LIG4: variants seen among roughly 807,000 people sequenced by gnomAD.
LIG4 encodes DNA ligase 4, also known as DNA joinase.
In LIG4, 13 loss-of-function variants were observed where a neutral mutation model predicts 19.0. The ratio of observed to expected loss-of-function variants is 0.68; its 90% confidence interval spans 0.44 to 1.09. The LOEUF (loss-of-function observed/expected upper bound fraction) is 1.09, where lower values mean the gene tolerates loss of function less well. Ranked by LOEUF, LIG4 falls within the 50% of genes least tolerant of loss-of-function variation. The pLI is 0.00. For synonymous variants in LIG4, 361 were observed against 358.2 expected, an observed-to-expected ratio of 1.01 and a Z score of -0.09; for missense variants, 1,026 against 1,089.7, an observed-to-expected ratio of 0.94 and a Z score of 0.82.
chr13:108,209,099 C>T lies in LIG4; in HGVS notation c.2170G>A (p.Ala724Thr). The T allele has an allele frequency of 6.2e-7, 1 of 1,614,178 alleles. No homozygotes were observed. Among genetic ancestry groups the T allele is most frequent in the African/African-American group, 1.3e-5 (1 of 75,050 alleles). Reference sequence around the variant, plus strand: ...GTCTTAAAACATTCTAAAAGCCATGCAGGCTTGACAACATCATGTTTATTT... The same window carrying T: ...GTCTTAAAACATTCTAAAAGCCATGTAGGCTTGACAACATCATGTTTATTT... ...LSNKHDVVKP[A>T]WLLECFKTKS... is the part of the protein sequence containing the mutation. The change falls in exon 3 of 3, where the codon GCA becomes ACA. Residue 724 changes from alanine (A) to threonine (T), a missense_variant. By Grantham distance (58) the Ala-to-Thr change is moderately conservative (BLOSUM62 0). This residue lies in a region of LIG4 where 521 missense variants were observed against 515.5 expected (regional missense o/e 1.01). Coordinates refer to ENST00000442234, the MANE Select transcript of LIG4 (RefSeq NM_206937.2).
rs1382576160 is a variant in LIG4, at chr13:108,208,467, TTA to T, written c.*64_*65del. The T allele has an allele frequency of 9.2e-6, 9 of 975,674 alleles. No individual in the cohort carries two copies. Among genetic ancestry groups the T allele is most frequent in the Non-Finnish European group, 1.4e-5 (9 of 628,608 alleles). The allele number at this position is 975,674 out of a possible 1,614,324, so 60.4% of individuals were successfully genotyped here. On this transcript the variant is annotated 3_prime_UTR_variant, in exon 3 of 3. Transcript: ENST00000442234. ...CAAAAATAAAATGTAGTTTAGTATT[TTA>T]TCATTACCACCTGCTGCAATGAGTC...
At chr13:108,215,729 G>A (rs538693186), upstream of LIG4, among the ~76,000 whole-genome samples, 19 of 151,564 alleles carry the variant, frequency 1.3e-4, no homozygotes, top group Non-Finnish European at 2.4e-4. Flanking sequence ...TATTGGCCTC[G>A]GCAGCAGATG....
At position 108,208,804 on chromosome 13, in the gene LIG4, G is replaced by A. The variant is rs141441003; in HGVS notation, c.2465C>T (p.Ser822Leu). 187 of 1,614,060 alleles carry A rather than the reference G, an allele frequency of 1.2e-4. No individual in the cohort carries two copies. In the Middle Eastern group the frequency reaches 3.1e-3, roughly 27 times the overall value. ...MFRRHTVYLD[S>L]YAVINDLSTK... ...ACTCAGGTCATTAATAACAGCATAC[G>A]AGTCCAAATAAACGGTGTGGCGTCG... Residue 822 changes from serine to leucine, a missense_variant, in exon 3 of 3, where the codon TCG becomes TTG. Physicochemically the swap from Ser to Leu is moderately radical, Grantham distance 145. This residue lies in a region of LIG4 where 521 missense variants were observed against 515.5 expected (regional missense o/e 1.01). Transcript: ENST00000442234.
In LIG4 at chr13:108,210,123, C is replaced by T. The variant is rs1878467886; in HGVS notation, c.1146G>A (p.Leu382=). Residue 382 remains leucine, a synonymous_variant, in exon 3 of 3, where the codon CTG becomes CTA. Transcript: ENST00000442234. ...TACTAAGAATCTCATACCTCTTTCT[C>T]AGAGTCTCATGCCCTAGCTTTTTAT... ...VNNKKLGHET[L]RKRYEILSSI... The T allele has an allele frequency of 6.2e-6, 10 of 1,613,738 alleles. No individual in the cohort carries two copies. The East Asian group carries it at 2.2e-4, about 36-fold the overall frequency.
chr13:108,211,238 C>A lies in LIG4; in HGVS notation c.31G>T (p.Ala11Ser). Residue 11 changes from alanine (A) to serine (S), a missense_variant, in exon 3 of 3, where the codon GCA becomes TCA. Coordinates refer to ENST00000442234, the MANE Select transcript of LIG4 (RefSeq NM_206937.2). Reference protein sequence around the residue: MAASQTSQTVASHVPFADLCS... With the variant: MAASQTSQTVSSHVPFADLCS... ...AAATCTGCAAAAGGAACGTGAGATG[C>A]AACAGTTTGTGAAGTTTGTGAGGCA... 6.2e-7 allele frequency: 1 copy of A among 1,612,782 alleles called. No individual in the cohort carries two copies. Among genetic ancestry groups the A allele is most frequent in the Non-Finnish European group, 8.5e-7 (1 of 1,179,888 alleles).
In LIG4 at chr13:108,210,023, C is replaced by G. The variant is rs148273759; in HGVS notation, c.1246G>C (p.Asp416His). Residue 416 changes from aspartate (D) to histidine (H), a missense_variant, in exon 3 of 3, where the codon GAT becomes CAT. By Grantham distance (81) the Asp-to-His change is moderately conservative (BLOSUM62 -1). This residue lies in a region of LIG4 where 493 missense variants were observed against 544.5 expected (regional missense o/e 0.91). Transcript: ENST00000442234. ...TQAHTKNEVIDALNEAIDKRE... is the reference protein window; with the variant it reads ...TQAHTKNEVIHALNEAIDKRE... Reference sequence around the variant, plus strand: ...TTATCTATTGCTTCATTCAATGCATCAATTACTTCATTCTTAGTATGAGCT... The same window carrying G: ...TTATCTATTGCTTCATTCAATGCATGAATTACTTCATTCTTAGTATGAGCT... 2 of 1,612,144 alleles carry G rather than the reference C, an allele frequency of 1.2e-6. No individual in the cohort carries two copies. The highest frequency in any genetic ancestry group is 1.6e-4 in the Middle Eastern group (1 of 6,062).
At position 108,210,965 on chromosome 13, in the gene LIG4, C is replaced by A; in HGVS notation, c.304G>T (p.Asp102Tyr). 1 of 1,613,098 alleles carries A rather than the reference C, an allele frequency of 6.2e-7. No homozygotes were observed. The highest frequency in any genetic ancestry group is 2.2e-5 in the East Asian group (1 of 44,866). The change falls in exon 3 of 3, where the codon GAT (aspartate) becomes TAT (tyrosine). Residue 102 changes from aspartate (D) to tyrosine (Y), a missense_variant. Coordinates refer to ENST00000442234, the MANE Select transcript of LIG4 (RefSeq NM_206937.2). The part of the protein sequence containing the change: ...LYIELLNLPR[D>Y]GKDALKLLNY... ...AAAAGTTTGAGGGCATCTTTTCCATCTCTAGGTAAATTAAGCAACTCAATA... is the reference window on the plus strand; with the variant it reads ...AAAAGTTTGAGGGCATCTTTTCCATATCTAGGTAAATTAAGCAACTCAATA...
chr13:108,208,429 G>T lies in LIG4; in HGVS notation c.*104C>A. 3 of 752,178 alleles carry T rather than the reference G, an allele frequency of 4.0e-6. No homozygotes were observed. Among genetic ancestry groups the T allele is most frequent in the Non-Finnish European group, 6.6e-6 (3 of 452,244 alleles). 46.6% of individuals were successfully genotyped at this position (752,178 alleles called of 1,614,324 possible). A position where few individuals can be genotyped will look rare whatever the true frequency, so the allele number is the denominator to read the frequency against. The stretch of plus-strand genomic sequence containing the variant: ...TATGTAATGATACTTTTTAGGCATA[G>T]ATTTTTAAGATACAAAAATAAAATG... On this transcript the variant is annotated 3_prime_UTR_variant, in exon 3 of 3. Transcript: ENST00000442234.
chr13:108,211,351 T>C (rs113804578), intron 2 of LIG4, 55 bp from the exon 3 acceptor site: 21 of 994,078 alleles, frequency 2.1e-5, no homozygotes, highest in African/African-American at 8.0e-5. Context: ...CAACTAAATA[T>C]TTAATGTAAA....
intron 1 of LIG4, chr13:108,214,914 C>T (rs1186240040): frequency 3.6e-5 from 4 of 111,618 alleles, no homozygotes; most frequent in Admixed American, 2.6e-4. Context: ...GTCCCAGACA[C>T]CCCCACGACC....
Position 108,208,290 on chromosome 13 carries a change from TTATTTCAC to T in LIG4, c.*235_*242del. On this transcript the variant is annotated 3_prime_UTR_variant, in exon 3 of 3. Transcript: ENST00000442234. ...TAAAAACACCTCTTCTTTAGACTGT[TTATTTCAC>T]CTTGATCATAAAAAATCATTGAATA... 7.3e-6 allele frequency: 3 copies of T among 411,298 alleles called. No homozygotes were observed. The highest frequency in any genetic ancestry group is 1.3e-5 in the Non-Finnish European group (3 of 228,182). 25.5% of individuals were successfully genotyped at this position (411,298 alleles called of 1,614,324 possible). A position where few individuals can be genotyped will look rare whatever the true frequency, so the allele number is the denominator to read the frequency against.
Position 108,210,241 on chromosome 13 carries a change from A to T in LIG4, c.1028T>A (p.Met343Lys). Residue 343 changes from methionine to lysine, a missense_variant, in exon 3 of 3, where the codon ATG becomes AAG. This residue lies in a region of LIG4 where 493 missense variants were observed against 544.5 expected (regional missense o/e 0.91). Transcript: ENST00000442234. Reference protein sequence around the residue: ...MAYNPNTQTFMQKGTKFDIKR... With the variant: ...MAYNPNTQTFKQKGTKFDIKR... ...AATATCAAACTTAGTTCCCTTTTGC[A>T]TGAAAGTTTGTGTATTAGGATTATA... The T allele has an allele frequency of 6.2e-7, 1 of 1,613,808 alleles. No individual in the cohort carries two copies. The highest frequency in any genetic ancestry group is 8.5e-7 in the Non-Finnish European group (1 of 1,179,870).
Position 108,209,859 on chromosome 13 carries a change from A to AG in LIG4, c.1409_1410insC (p.Trp471LeufsTer3). ...TTCCACCCCGTGATCCTTTACCCCA[A>AG]TATCCTCCAACAATTAAAATGTCCA... is the stretch of plus-strand genomic sequence containing the variant. On this transcript the variant is annotated frameshift_variant, in exon 3 of 3. Coordinates refer to ENST00000442234, the MANE Select transcript of LIG4 (RefSeq NM_206937.2). LOFTEE classifies it low-confidence loss of function (END_TRUNC). 1 of 1,614,138 alleles carries AG rather than the reference A, an allele frequency of 6.2e-7. No individual in the cohort carries two copies. The highest frequency in any genetic ancestry group is 8.5e-7 in the Non-Finnish European group (1 of 1,180,000).
chr13:108,208,963 G>A lies in LIG4; in HGVS notation c.2306C>T (p.Thr769Ile), dbSNP rs761592929. 13 of 1,614,004 alleles carry A rather than the reference G, an allele frequency of 8.1e-6. No individual in the cohort carries two copies. The South Asian group carries it at 1.4e-4, about 18-fold the overall frequency. Reference sequence around the variant, plus strand: ...TACTTCCTTCAGTTGGTTCAAGTCTGTATCAATGAAATAACTATCACCATA... The same window carrying A: ...TACTTCCTTCAGTTGGTTCAAGTCTATATCAATGAAATAACTATCACCATA... ...DCYGDSYFID[T>I]DLNQLKEVFS... The change falls in exon 3 of 3, where the codon ACA (threonine) becomes ATA (isoleucine). Residue 769 changes from threonine (T) to isoleucine (I), a missense_variant. Thr to Ile is a moderately conservative substitution (Grantham distance 89, BLOSUM62 -1). Transcript: ENST00000442234.
chr13:108,210,098 T>C lies in LIG4; in HGVS notation c.1171A>G (p.Ser391Gly), dbSNP rs1357544473. ...TLRKRYEILS[S>G]IFTPIPGRIE... ...CTACCTGGAATTGGTGTAAAAATAC[T>C]ACTAAGAATCTCATACCTCTTTCTC... The change falls in exon 3 of 3, where the codon AGT becomes GGT. Residue 391 changes from serine to glycine, a missense_variant. Ser to Gly is a moderately conservative substitution (Grantham distance 56). Coordinates refer to ENST00000442234, the MANE Select transcript of LIG4 (RefSeq NM_206937.2). The C allele has an allele frequency of 1.9e-6, 3 of 1,613,328 alleles. No homozygotes were observed. The highest frequency in any genetic ancestry group is 2.5e-6 in the Non-Finnish European group (3 of 1,179,884).
upstream of LIG4, among the ~76,000 whole-genome samples, chr13:108,216,007 C>T (rs1055272170): frequency 4.0e-5 from 6 of 151,574 alleles, no homozygotes; most frequent in African/African-American, 1.5e-4. Flanking sequence ...ATGATGTTTG[C>T]TACTGTGGTC....
upstream of LIG4, among the ~76,000 whole-genome samples, chr13:108,217,049 C>T (rs547556152): frequency 1.3e-5 from 2 of 152,306 alleles, no homozygotes; most frequent in East Asian, 3.9e-4. Context: ...TGACCTGGAG[C>T]TCTCCATCTG....
chr13:108,211,482 C>G (rs1878664704), intron 2 of LIG4, among the ~76,000 whole-genome samples, 186 bp from the exon 3 acceptor site: 1 of 152,126 alleles, frequency 6.6e-6, no homozygotes, highest in African/African-American at 2.4e-5. Flanking sequence ...TTGCTCCAAC[C>G]CTAATTTGAA....
rs1878410435 is a variant in LIG4 at position 108,209,799 on chromosome 13, C to A, written c.1470G>T (p.Lys490Asn). Residue 490 changes from lysine to asparagine, a missense_variant, in exon 3 of 3, where the codon AAG (lysine) becomes AAT (asparagine). Lys to Asn is a moderately conservative substitution (Grantham distance 94). This residue lies in a region of LIG4 where 521 missense variants were observed against 515.5 expected (regional missense o/e 1.01). Transcript: ENST00000442234. ...MSHFLCAVAE[K>N]PPPGEKPSVF... ...CAGATGGCTTCTCACCAGGAGGGGG[C>A]TTCTCTGCTACTGCACACAGAAAAT... 6.2e-7 allele frequency: 1 copy of A among 1,613,978 alleles called. No homozygotes were observed. Among genetic ancestry groups the A allele is most frequent in the African/African-American group, 1.3e-5 (1 of 74,914 alleles).
Sources: gnomAD v4.1 joint callset for allele counts (sites outside exome capture counted in the v4.1 genomes callset) on GRCh38, gnomAD v4.1.1 for gene constraint, gnomAD v4.1.1 regional missense constraint, MANE v1.5 for transcripts, NCBI Gene and HGNC (gene_info 2026-07-23, HGNC 2026-07-21) for gene names.